Variants in GMDS observed in about 807,000 individuals in gnomAD.
GMDS encodes GDP-mannose 4,6-dehydratase, also known as GDP-mannose 4,6 dehydratase.
GMDS carries 20 observed loss-of-function variants against 49.9 expected under a neutral mutation model. The ratio of observed to expected loss-of-function variants is 0.40; its 90% CI spans 0.28 to 0.58. The LOEUF (loss-of-function observed/expected upper bound fraction) is 0.58. Among genes scored for constraint, GMDS ranks in the 20% least tolerant of loss-of-function variants. The pLI is 0.42. For missense variants in GMDS, 362 were observed against 481.4 expected, an observed-to-expected ratio of 0.75 and a Z score of 2.32; for synonymous variants, 177 against 178.6, an observed-to-expected ratio of 0.99 and a Z score of 0.07.
At chr6:2,058,977 A>G (rs1257235122) in intron 4 of GMDS, among the ~76,000 whole-genome samples, 1 of 152,036 alleles carries the variant, frequency 6.6e-6, no homozygotes, top group Non-Finnish European at 1.5e-5. Flanking sequence ...GGAGTTCAAC[A>G]CCAGCCTGGC....
intron 7 of GMDS, among the ~76,000 whole-genome samples, chr6:1,829,913 C>T (rs549312533): frequency 1.3e-5 from 2 of 152,288 alleles, no homozygotes; most frequent in Non-Finnish European, 2.9e-5. Flanking sequence ...TGCCTCTTGC[C>T]TCAGCCTAAT....
intron 4 of GMDS, among the ~76,000 whole-genome samples, chr6:2,077,200 G>GT (rs1038049411): frequency 1.3e-5 from 2 of 151,992 alleles, no homozygotes; most frequent in East Asian, 3.9e-4. Flanking sequence ...TGGTAGTCTT[G>GT]TTTTTTTCTA....
intron 4 of GMDS, among the ~76,000 whole-genome samples, chr6:2,100,919 C>G (rs952132333): frequency 1.3e-5 from 2 of 151,960 alleles, no homozygotes; most frequent in East Asian, 3.8e-4. Flanking sequence ...TACAATTGTA[C>G]TAGTATTTTC....
intron 9 of GMDS, among the ~76,000 whole-genome samples, chr6:1,662,157 C>T (rs1023208658): frequency 6.6e-6 from 1 of 152,170 alleles, no homozygotes; most frequent in African/African-American, 2.4e-5. Flanking sequence ...CAGACCTTTA[C>T]AGCATTCACT....
chr6:1,679,092 A>G (rs1043684221), intron 9 of GMDS: 1 of 152,212 alleles, frequency 6.6e-6, no homozygotes, highest in African/African-American at 2.4e-5. Flanking sequence ...GCACACACAC[A>G]GTTGTTACGC....
chr6:2,206,003 A>T (rs559730183), intron 1 of GMDS, among the ~76,000 whole-genome samples: 1 of 152,264 alleles, frequency 6.6e-6, no homozygotes, highest in African/African-American at 2.4e-5. Flanking sequence ...TCACACCTGT[A>T]ATCTCAGCGC....
chr6:2,175,531 A>C (rs1441126257), intron 1 of GMDS, among the ~76,000 whole-genome samples: 1 of 152,226 alleles, frequency 6.6e-6, no homozygotes, highest in Non-Finnish European at 1.5e-5. Flanking sequence ...GAGCAGCATT[A>C]CTATACCTCA....
At chr6:1,923,373 G>A (rs148822152) in intron 7 of GMDS, among the ~76,000 whole-genome samples, 7 of 152,302 alleles carry the variant, frequency 4.6e-5, no homozygotes, top group East Asian at 3.9e-4. Flanking sequence ...AGGACCAACC[G>A]AGTTGATAAC....
At chr6:1,896,219 C>T (rs982445544) in intron 7 of GMDS, among the ~76,000 whole-genome samples, 2 of 152,112 alleles carry the variant, frequency 1.3e-5, no homozygotes, top group South Asian at 2.1e-4. Context: ...GCAGCATCCT[C>T]GGCCTCAACC....
chr6:1,901,422 CA>C lies in GMDS; in HGVS notation c.771+28680del, dbSNP rs1017127034. Among the ~76,000 whole-genome samples, 3 of 151,258 alleles carry C rather than the reference CA, an allele frequency of 2.0e-5. No individual in the cohort carries two copies. The South Asian group carries it at 6.3e-4, about 32-fold the overall frequency. On this transcript the variant is annotated intron_variant, in intron 7 of 10. Coordinates refer to ENST00000380815, the MANE Select transcript of GMDS (RefSeq NM_001500.4). ...AAGTCAGCTTTTCATCCCATTGTAACAAAAAAAACATAGAAAAGAAAAAATA... is the reference window on the plus strand; with the variant it reads ...AAGTCAGCTTTTCATCCCATTGTAACAAAAAAACATAGAAAAGAAAAAATA...
At chr6:2,165,794 CA>C (rs1179819584) in intron 1 of GMDS, among the ~76,000 whole-genome samples, 2 of 152,186 alleles carry the variant, frequency 1.3e-5, no homozygotes, top group Non-Finnish European at 2.9e-5. Context: ...AGGAAGGAAT[CA>C]AATTCATAAT....
intron 8 of GMDS, among the ~76,000 whole-genome samples, chr6:1,728,116 C>T (rs909883247): frequency 2.0e-5 from 3 of 152,114 alleles, no homozygotes; most frequent in Non-Finnish European, 4.4e-5. Flanking sequence ...AGATTGAAAG[C>T]GTTTTAAAAC....
At chr6:2,196,285 G>A (rs1477626504) in intron 1 of GMDS, among the ~76,000 whole-genome samples, 1 of 152,196 alleles carries the variant, frequency 6.6e-6, no homozygotes, top group African/African-American at 2.4e-5. Context: ...TTCCCTCACT[G>A]CACTGATAAA....
At chr6:1,720,137 TAAGAA>T (rs768572422) in intron 9 of GMDS, among the ~76,000 whole-genome samples, 50 of 152,102 alleles carry the variant, frequency 3.3e-4, no homozygotes, top group Non-Finnish European at 5.0e-4. Context: ...GATCTGATAA[TAAGAA>T]AAGAAACTTC....
At chr6:1,990,404 AT>A (rs1229095737) in intron 4 of GMDS, among the ~76,000 whole-genome samples, 1 of 152,188 alleles carries the variant, frequency 6.6e-6, no homozygotes, top group African/African-American at 2.4e-5. Flanking sequence ...TTAAAGCCAC[AT>A]TCTGGTGTAA....
chr6:2,120,529 A>G (rs1268374299), intron 2 of GMDS, among the ~76,000 whole-genome samples: 1 of 152,114 alleles, frequency 6.6e-6, no homozygotes, highest in East Asian at 1.9e-4. Flanking sequence ...CAATTTACCT[A>G]TTCTTTATTT....
At chr6:1,663,695 C>A (rs748510558) in intron 9 of GMDS, among the ~76,000 whole-genome samples, 4 of 152,168 alleles carry the variant, frequency 2.6e-5, no homozygotes, top group African/African-American at 7.2e-5. Context: ...AAAGCATACA[C>A]CTGCCACAGG....
At chr6:1,732,094 G>A (rs1409525927) in intron 8 of GMDS, among the ~76,000 whole-genome samples, 1 of 152,162 alleles carries the variant, frequency 6.6e-6, no homozygotes, top group Non-Finnish European at 1.5e-5. Context: ...TTGGGAGGCC[G>A]AGGCATGTGG....
At chr6:2,229,823 T>C (rs1780995514) in intron 1 of GMDS, among the ~76,000 whole-genome samples, 1 of 152,178 alleles carries the variant, frequency 6.6e-6, no homozygotes, top group Non-Finnish European at 1.5e-5. Flanking sequence ...TTTCAAAGCA[T>C]TATTTGGTTG....
Sources: gnomAD v4.1 joint callset for allele counts (sites outside exome capture counted in the v4.1 genomes callset) on GRCh38, gnomAD v4.1.1 for gene constraint, MANE v1.5 for transcripts, NCBI Gene and HGNC (gene_info 2026-07-23, HGNC 2026-07-21) for gene names.